Variants in LRRC4C observed in about 807,000 individuals in gnomAD.
The protein encoded by LRRC4C is leucine-rich repeat-containing protein 4C.
LRRC4C carries 5 observed loss-of-function variants against 33.6 expected under a neutral mutation model. That is an observed-to-expected ratio of 0.15 (90% CI 0.08 to 0.31). The LOEUF (loss-of-function observed/expected upper bound fraction) is 0.31. Ranked by LOEUF, LRRC4C falls within the 10% of genes least tolerant of loss-of-function variation. The pLI, the probability that LRRC4C is intolerant of heterozygous loss-of-function variation, is 1.00. For missense variants in LRRC4C, 560 were observed against 796.7 expected (o/e 0.70, Z 3.58); for synonymous variants, 329 against 302.0 (o/e 1.09, Z -0.93).
chr11:41,448,963 T>A (rs546993769), intron 1 of LRRC4C, among the ~76,000 whole-genome samples: 22 of 152,372 alleles, frequency 1.4e-4, no homozygotes, highest in African/African-American at 4.8e-4. Context: ...AAAAGATACT[T>A]ACATCTAATG....
At position 41,332,175 on chromosome 11, in the gene LRRC4C, C is replaced by T. The variant is rs1476421056; in HGVS notation, c.-496+127256G>A. On this transcript the variant is annotated intron_variant, in intron 1 of 6. Transcript: ENST00000528697. ...ATTGTATGTGTCATGTGGAATGAGG[C>T]ATTTAGGATTAGAGCCCAAGTTACT... 3.3e-5 allele frequency among the ~76,000 whole-genome samples: 5 copies of T among 151,978 alleles called. No individual in the cohort carries two copies. In the East Asian group the frequency reaches 9.7e-4, roughly 29 times the overall value.
At chr11:41,292,539 T>C (rs1486224626) in intron 1 of LRRC4C, among the ~76,000 whole-genome samples, 1 of 151,952 alleles carries the variant, frequency 6.6e-6, no homozygotes. Flanking sequence ...TATTTTATAC[T>C]AAATATTATA....
At chr11:40,878,837 A>G (rs2136002433) in intron 2 of LRRC4C, among the ~76,000 whole-genome samples, 1 of 152,326 alleles carries the variant, frequency 6.6e-6, no homozygotes, top group South Asian at 2.1e-4. Context: ...CAGTTTTACA[A>G]GAATTAGAGA....
At chr11:40,128,070 G>GT in intron 6 of LRRC4C, among the ~76,000 whole-genome samples, 1 of 143,114 alleles carries the variant, frequency 7.0e-6, no homozygotes, top group African/African-American at 2.6e-5. Context: ...AGAGTAAAAT[G>GT]CCCCGGAGGG....
intron 1 of LRRC4C, among the ~76,000 whole-genome samples, chr11:41,256,738 A>G (rs1948813687): frequency 6.6e-6 from 1 of 152,028 alleles, no homozygotes; most frequent in Admixed American, 6.6e-5. Context: ...AAGTCTGTTT[A>G]GATCACCCTG....
At chr11:41,324,247 A>T (rs1333851161) in intron 1 of LRRC4C, among the ~76,000 whole-genome samples, 1 of 152,154 alleles carries the variant, frequency 6.6e-6, no homozygotes, top group Non-Finnish European at 1.5e-5. Context: ...CCTGACCAAC[A>T]TGGAGAAACC....
intron 1 of LRRC4C, among the ~76,000 whole-genome samples, chr11:41,347,461 T>A (rs1951840730): frequency 6.6e-6 from 1 of 152,280 alleles, no homozygotes; most frequent in East Asian, 1.9e-4. Context: ...CACTTGATCA[T>A]GTGCTTCAAA....
intron 2 of LRRC4C, among the ~76,000 whole-genome samples, chr11:40,837,481 C>T (rs1380167290): frequency 1.3e-5 from 2 of 151,852 alleles, no homozygotes; most frequent in East Asian, 1.9e-4. Context: ...ATATTTTAAT[C>T]TATTTGATAG....
At chr11:40,949,182 G>T (rs550591879) in intron 1 of LRRC4C, among the ~76,000 whole-genome samples, 1 of 152,262 alleles carries the variant, frequency 6.6e-6, no homozygotes, top group South Asian at 2.1e-4. Context: ...AGAAGTGTCT[G>T]TTCATGTCCT....
At chr11:40,962,030 G>C (rs1302321368) in intron 1 of LRRC4C, among the ~76,000 whole-genome samples, 1 of 151,486 alleles carries the variant, frequency 6.6e-6, no homozygotes, top group Non-Finnish European at 1.5e-5. Context: ...TTACACTCTG[G>C]CCTGTAAGAA....
Position 40,396,912 on chromosome 11 carries a change from C to T in LRRC4C, c.-269-77191G>A, listed in dbSNP as rs567924747. ...CTGTTTGAGTTATAATGCATCTTAA[C>T]GTTCTCTATAATACAAGTATTAATA... On this transcript the variant is annotated intron_variant, in intron 3 of 6. Transcript: ENST00000528697. 4.0e-4 allele frequency among the ~76,000 whole-genome samples: 61 copies of T among 152,116 alleles called. 1 individual carries two copies. The highest frequency in any genetic ancestry group is 1.2e-3 in the African/African-American group (51 of 41,544).
chr11:41,106,281 G>A (rs1055832443), intron 1 of LRRC4C, among the ~76,000 whole-genome samples: 7 of 151,814 alleles, frequency 4.6e-5, no homozygotes, highest in African/African-American at 1.5e-4. Context: ...AAGTGGAGAT[G>A]AGAAATGGGG....
At chr11:40,133,245 T>C (rs1342353124) in intron 6 of LRRC4C, among the ~76,000 whole-genome samples, 2 of 152,132 alleles carry the variant, frequency 1.3e-5, no homozygotes, top group Non-Finnish European at 2.9e-5. Flanking sequence ...AAACCAACAA[T>C]ATACCCAGAA....
At chr11:41,197,951 C>A (rs1946250519) in intron 1 of LRRC4C, among the ~76,000 whole-genome samples, 1 of 151,890 alleles carries the variant, frequency 6.6e-6, no homozygotes, top group African/African-American at 2.4e-5. Flanking sequence ...CTCGTCACTG[C>A]CATCACCCCT....
rs572447233 is a variant in LRRC4C at position 40,618,784 on chromosome 11, C to T, written c.-270+29358G>A. 4.6e-5 allele frequency among the ~76,000 whole-genome samples: 7 copies of T among 151,776 alleles called. No individual in the cohort carries two copies. The South Asian group carries it at 1.5e-3, about 31-fold the overall frequency. ...ATCAATTTTGGGTTGTAAGTCCATC[C>T]CACTTCCACAGGGAAAACGACACTT... On this transcript the variant is annotated intron_variant, in intron 3 of 6. Coordinates refer to ENST00000528697, the MANE Select transcript of LRRC4C (RefSeq NM_001258419.2).
chr11:40,380,785 A>C (rs1445654722), intron 3 of LRRC4C, among the ~76,000 whole-genome samples: 2 of 152,208 alleles, frequency 1.3e-5, no homozygotes, highest in African/African-American at 4.8e-5. Flanking sequence ...ATGGTGAACA[A>C]CACCATTAAA....
At chr11:40,120,433 A>G (rs1855742733) in intron 6 of LRRC4C, among the ~76,000 whole-genome samples, 1 of 152,122 alleles carries the variant, frequency 6.6e-6, no homozygotes, top group South Asian at 2.1e-4. Context: ...TCCAGTAATC[A>G]TGACCATCGA....
At chr11:40,663,018 A>G (rs961305485) in intron 2 of LRRC4C, among the ~76,000 whole-genome samples, 6 of 152,220 alleles carry the variant, frequency 3.9e-5, no homozygotes, top group African/African-American at 1.4e-4. Flanking sequence ...TAGAAAATCA[A>G]TAGGGCTTCT....
chr11:41,121,594 G>A (rs1388986194), intron 1 of LRRC4C, among the ~76,000 whole-genome samples: 1 of 152,124 alleles, frequency 6.6e-6, no homozygotes, highest in Non-Finnish European at 1.5e-5. Context: ...ATCAAGTGGA[G>A]AATTTAATGT....
Sources: gnomAD v4.1 joint callset for allele counts (sites outside exome capture counted in the v4.1 genomes callset) on GRCh38, gnomAD v4.1.1 for gene constraint, MANE v1.5 for transcripts, NCBI Gene and HGNC (gene_info 2026-07-23, HGNC 2026-07-21) for gene names.